ZNF609: variants seen among roughly 807,000 people sequenced by gnomAD.
ZNF609 encodes zinc finger protein 609.
ZNF609 carries 11 observed loss-of-function variants against 109.5 expected under a neutral mutation model. The ratio of observed to expected loss-of-function variants is 0.10; its 90% CI spans 0.06 to 0.17. ZNF609 has a LOEUF of 0.17. Ranked by LOEUF, ZNF609 falls within the 10% of genes least tolerant of loss-of-function variation. ZNF609 has a pLI of 1.00. For synonymous variants in ZNF609, 646 were observed against 662.0 expected (o/e 0.98, Z 0.37); for missense variants, 1,559 against 1,772.4 (o/e 0.88, Z 2.16).
intron 3 of ZNF609, among the ~76,000 whole-genome samples, chr15:64,630,202 G>A (rs1161618047): frequency 6.7e-6 from 1 of 149,646 alleles, no homozygotes; most frequent in East Asian, 2.0e-4. Context: ...CTCCCAAGTA[G>A]CTGGGATTAC....
At chr15:64,503,260 A>G (rs1031057603) in intron 2 of ZNF609, among the ~76,000 whole-genome samples, 2 of 152,180 alleles carry the variant, frequency 1.3e-5, no homozygotes, top group African/African-American at 4.8e-5. Context: ...GAGAGACCAG[A>G]GATGGCTCTT....
At chr15:64,490,793 C>G (rs1166124187) in intron 1 of ZNF609, among the ~76,000 whole-genome samples, 1 of 152,202 alleles carries the variant, frequency 6.6e-6, no homozygotes, top group African/African-American at 2.4e-5. Context: ...CAACAAGGAT[C>G]TGAACTTGAG....
At chr15:64,680,617 T>A in intron 7 of ZNF609, 29 bp from the exon 8 acceptor site, 1 of 1,533,092 alleles carries the variant, frequency 6.5e-7, no homozygotes, top group Non-Finnish European at 8.9e-7. Flanking sequence ...CTCACTATAG[T>A]GCTTTTGTGT....
chr15:64,474,414 T>C (rs2140332389), intron 1 of ZNF609, among the ~76,000 whole-genome samples: 1 of 151,780 alleles, frequency 6.6e-6, no homozygotes, highest in East Asian at 1.9e-4. Context: ...GGTTTCTCCA[T>C]GTTGTTCATG....
chr15:64,588,015 C>A (rs1341796563), intron 2 of ZNF609, among the ~76,000 whole-genome samples: 1 of 151,684 alleles, frequency 6.6e-6, no homozygotes, highest in African/African-American at 2.4e-5. Flanking sequence ...GCTGAGATAA[C>A]AGGCATGAGC....
chr15:64,624,663 T>C (rs1895923966), intron 3 of ZNF609, among the ~76,000 whole-genome samples: 1 of 151,928 alleles, frequency 6.6e-6, no homozygotes, highest in Non-Finnish European at 1.5e-5. Flanking sequence ...AATTAACACA[T>C]AATTTTTTTT....
In ZNF609 at chr15:64,666,657, G is replaced by A. The variant is rs369291247; in HGVS notation, c.974-3689G>A. 2.9e-3 allele frequency among the ~76,000 whole-genome samples: 439 copies of A among 151,614 alleles called. 1 individual carries two copies. The highest frequency in any genetic ancestry group is 4.5e-3 in the Non-Finnish European group (303 of 67,856). On this transcript the variant is annotated intron_variant, in intron 3 of 9. Coordinates refer to ENST00000326648, the MANE Select transcript of ZNF609 (RefSeq NM_015042.2). ...CTCCTGAGTAGCTGGGACTACAGGCGCCCACCACCACGCCCAGCTAATTTT... is the reference window on the plus strand; with the variant it reads ...CTCCTGAGTAGCTGGGACTACAGGCACCCACCACCACGCCCAGCTAATTTT...
At chr15:64,590,290 G>C (rs1476934685) in intron 2 of ZNF609, among the ~76,000 whole-genome samples, 2 of 152,104 alleles carry the variant, frequency 1.3e-5, no homozygotes, top group African/African-American at 4.8e-5. Context: ...GTAGGGGAGA[G>C]AGCGTATGGG....
chr15:64,499,935 C>A lies in ZNF609; in HGVS notation c.516C>A (p.Ser172Arg). The A allele has an allele frequency of 6.2e-7, 1 of 1,614,014 alleles. No individual in the cohort carries two copies. The highest frequency in any genetic ancestry group is 8.5e-7 in the Non-Finnish European group (1 of 1,180,004). Residue 172 changes from serine to arginine, a missense_variant, in exon 2 of 10, where the codon AGC (serine) becomes AGA (arginine). By Grantham distance (110) the Ser-to-Arg change is moderately radical (BLOSUM62 -1). This residue lies in a region of ZNF609 where 291 missense variants were observed against 317.8 expected (regional missense o/e 0.92). Coordinates refer to ENST00000326648, the MANE Select transcript of ZNF609 (RefSeq NM_015042.2). ...NSSSKSKKER[S>R]EGVGTCSEKD... ...CATCTAAGAGCAAGAAGGAGAGAAG[C>A]GAAGGAGTGGGGACTTGTTCAGAAA...
chr15:64,533,633 T>C (rs369361176), intron 2 of ZNF609, among the ~76,000 whole-genome samples: 3 of 152,246 alleles, frequency 2.0e-5, no homozygotes, highest in African/African-American at 7.2e-5. Context: ...TAAAATTCTT[T>C]ATTGTTTCAG....
intron 2 of ZNF609, chr15:64,502,433 C>T (rs1460390262): frequency 1.3e-5 from 2 of 152,128 alleles, no homozygotes; most frequent in East Asian, 1.9e-4. Context: ...TGCAGAGGAG[C>T]GGTTTTTGAG....
intron 2 of ZNF609, among the ~76,000 whole-genome samples, chr15:64,562,429 T>C (rs372835191): frequency 2.6e-5 from 4 of 152,172 alleles, no homozygotes; most frequent in Non-Finnish European, 5.9e-5. Context: ...AGAAGTTGAT[T>C]TATCTCCTAA....
chr15:64,575,640 A>G (rs779779439), intron 2 of ZNF609, among the ~76,000 whole-genome samples: 1 of 152,114 alleles, frequency 6.6e-6, no homozygotes, highest in Non-Finnish European at 1.5e-5. Context: ...TGTACTATTA[A>G]TTATATAAAT....
intron 2 of ZNF609, among the ~76,000 whole-genome samples, chr15:64,528,163 T>A (rs972225362): frequency 1.7e-4 from 26 of 151,612 alleles, no homozygotes; most frequent in Non-Finnish European, 2.9e-4. Context: ...AGTGACGCGA[T>A]CTCGGCTCAC....
At position 64,612,619 on chromosome 15, in the gene ZNF609, A is replaced by G. The variant is rs558660066; in HGVS notation, c.748-10208A>G. Among the ~76,000 whole-genome samples, 41 of 121,214 alleles carry G rather than the reference A, an allele frequency of 3.4e-4. No homozygotes were observed. The Admixed American group carries it at 4.3e-3, about 13-fold the overall frequency. The allele number at this position is 121,214 out of a possible 152,430, so 79.5% of individuals were successfully genotyped here. A position where few individuals can be genotyped will look rare whatever the true frequency, so the allele number is the denominator to read the frequency against. On this transcript the variant is annotated intron_variant, in intron 2 of 9. Coordinates refer to ENST00000326648, the MANE Select transcript of ZNF609 (RefSeq NM_015042.2). ...GTGAAATCTGGAAGCTCAGCAGTCC[A>G]GGAGCCTCTTTTTTTTTTTTTTTTT...
chr15:64,637,820 G>T (rs1896197271), intron 3 of ZNF609, among the ~76,000 whole-genome samples: 1 of 151,550 alleles, frequency 6.6e-6, no homozygotes, highest in Non-Finnish European at 1.5e-5. Flanking sequence ...AATATCTTCT[G>T]TGTCTTAACT....
chr15:64,493,434 G>A (rs1328241053), intron 1 of ZNF609, among the ~76,000 whole-genome samples: 1 of 152,176 alleles, frequency 6.6e-6, no homozygotes, highest in African/African-American at 2.4e-5. Flanking sequence ...TGTGGGCTGG[G>A]AGTCAAAGAG....
chr15:64,656,641 GT>G (rs2141001520), intron 3 of ZNF609, among the ~76,000 whole-genome samples: 1 of 152,158 alleles, frequency 6.6e-6, no homozygotes, highest in Non-Finnish European at 1.5e-5. Context: ...ATGGTTTTGG[GT>G]TTTTAAGTAA....
rs980917784 is a variant in ZNF609 at position 64,680,506 on chromosome 15, T to G, written c.3946-140T>G. ...GGCAGCCCCCAGGGCATCTTCTTTA[T>G]TCTTAGGTATCTTGCACTTTTAGGG... On this transcript the variant is annotated intron_variant, in intron 7 of 9. Coordinates refer to ENST00000326648, the MANE Select transcript of ZNF609 (RefSeq NM_015042.2). The G allele has an allele frequency of 1.9e-5, 25 of 1,292,870 alleles. No homozygotes were observed. In the Admixed American group the frequency reaches 5.3e-4, roughly 28 times the overall value. 80.1% of individuals were successfully genotyped at this position (1,292,870 alleles called of 1,614,324 possible). A position where few individuals can be genotyped will look rare whatever the true frequency, so the allele number is the denominator to read the frequency against.
Sources: gnomAD v4.1 joint callset for allele counts (sites outside exome capture counted in the v4.1 genomes callset) on GRCh38, gnomAD v4.1.1 for gene constraint, gnomAD v4.1.1 regional missense constraint, MANE v1.5 for transcripts, NCBI Gene and HGNC (gene_info 2026-07-23, HGNC 2026-07-21) for gene names.